The following MORN5 variants were observed in gnomAD, a reference collection of about 807,000 sequenced individuals.
The protein encoded by MORN5 is MORN repeat-containing protein 5.
A neutral mutation model predicts 22.1 loss-of-function variants in MORN5; 21 were observed. The ratio of observed to expected loss-of-function variants is 0.95; its 90% CI spans 0.67 to 1.37. MORN5 has a LOEUF of 1.37. Ranked by LOEUF, MORN5 falls within the 40% of genes most tolerant of loss-of-function variation. MORN5 has a pLI of 0.00. For synonymous variants in MORN5, 73 were observed against 74.0 expected, an observed-to-expected ratio of 0.99 and a Z score of 0.07; for missense variants, 211 against 215.1, an observed-to-expected ratio of 0.98 and a Z score of 0.12.
At chr9:122,163,397 C>T (rs563934002) in intron 1 of MORN5, among the ~76,000 whole-genome samples, 1 of 152,326 alleles carries the variant, frequency 6.6e-6, no homozygotes, top group East Asian at 1.9e-4. Context: ...CTGTAAAGCC[C>T]ACAGGCTTCC....
In MORN5 at chr9:122,166,799, A is replaced by G; in HGVS notation, c.79A>G (p.Thr27Ala). ...MEGKAKYILP[T>A]ETIYVGEMKD... is the part of the protein sequence containing the mutation. ...GGGCAAAGCCAAGTACATCCTCCCTACCGAAACAATATATGTTGGGGAAAT... is the reference window on the plus strand; with the variant it reads ...GGGCAAAGCCAAGTACATCCTCCCTGCCGAAACAATATATGTTGGGGAAAT... The change falls in exon 2 of 5, where the codon ACC becomes GCC. Residue 27 changes from threonine to alanine, a missense_variant. Thr to Ala is a moderately conservative substitution (Grantham distance 58). Coordinates refer to ENST00000373764, the MANE Select transcript of MORN5 (RefSeq NM_198469.4). The G allele has an allele frequency of 6.2e-7, 1 of 1,613,814 alleles. No individual in the cohort carries two copies. The highest frequency in any genetic ancestry group is 8.5e-7 in the Non-Finnish European group (1 of 1,179,832).
chr9:122,180,340 C>T (rs1829519035), intron 4 of MORN5, among the ~76,000 whole-genome samples: 1 of 132,910 alleles, frequency 7.5e-6, no homozygotes, highest in Admixed American at 8.9e-5. Flanking sequence ...GGCTGGAGTG[C>T]AGTGGTATGA....
intron 4 of MORN5, among the ~76,000 whole-genome samples, chr9:122,183,325 T>C (rs10760211): frequency 0.52 from 79,006 of 152,010 alleles, 20,893 homozygotes; most frequent in African/African-American, 0.56. Flanking sequence ...GCAGTTTGTA[T>C]GAGTATCTCT....
chr9:122,174,794 C>A (rs1829423782), intron 4 of MORN5, 167 bp downstream of exon 4: 3 of 1,493,740 alleles, frequency 2.0e-6, no homozygotes, highest in Middle Eastern at 2.4e-4. Flanking sequence ...TCGTGGCTGG[C>A]AAATCTGTAC....
At chr9:122,179,310 G>A (rs1040972214) in intron 4 of MORN5, among the ~76,000 whole-genome samples, 5 of 152,158 alleles carry the variant, frequency 3.3e-5, no homozygotes, top group Admixed American at 1.3e-4. Context: ...GGGGAGCAAG[G>A]GAAGGCTTTA....
At chr9:122,182,120 C>A (rs1187230787) in intron 4 of MORN5, among the ~76,000 whole-genome samples, 1 of 152,204 alleles carries the variant, frequency 6.6e-6, no homozygotes, top group Non-Finnish European at 1.5e-5. Flanking sequence ...AGAGCCCCAG[C>A]CTAACTTTGA....
At chr9:122,185,301 C>T (rs1342318666) in intron 4 of MORN5, among the ~76,000 whole-genome samples, 1 of 151,956 alleles carries the variant, frequency 6.6e-6, no homozygotes, top group Admixed American at 6.6e-5. Context: ...CGGCTCACTG[C>T]AAGCTCCGCC....
chr9:122,174,099 T>C lies in MORN5; in HGVS notation c.308-397T>C, dbSNP rs145781719. 7.5e-3 allele frequency among the ~76,000 whole-genome samples: 1,138 copies of C among 152,352 alleles called. 6 individuals carry two copies. Among genetic ancestry groups the C allele is most frequent in the Non-Finnish European group, 0.011 (747 of 68,030 alleles). On this transcript the variant is annotated intron_variant, in intron 3 of 4. Transcript: ENST00000373764. ...TTCCAGAGTGGGGCTTAAGGATCCA[T>C]GCCTCTGGCCTCTGCCCACGCTTTG... is the stretch of plus-strand genomic sequence containing the variant.
At chr9:122,177,445 A>G (rs1829469059) in intron 4 of MORN5, among the ~76,000 whole-genome samples, 1 of 151,664 alleles carries the variant, frequency 6.6e-6, no homozygotes, top group East Asian at 1.9e-4. Flanking sequence ...CTTTTTTTTC[A>G]TTTTGAGATG....
chr9:122,180,082 T>A (rs139009387), intron 4 of MORN5, among the ~76,000 whole-genome samples: 35 of 152,310 alleles, frequency 2.3e-4, no homozygotes, highest in Middle Eastern at 6.8e-3. Context: ...AAATCCATCC[T>A]TCTATGTATC....
intron 3 of MORN5, among the ~76,000 whole-genome samples, chr9:122,172,471 G>C (rs1476016639): frequency 6.6e-6 from 1 of 151,952 alleles, no homozygotes; most frequent in Admixed American, 6.6e-5. Flanking sequence ...GTTTCTCAAA[G>C]AGACCACACT....
chr9:122,181,476 C>T (rs557009732), intron 4 of MORN5, among the ~76,000 whole-genome samples: 11 of 152,342 alleles, frequency 7.2e-5, no homozygotes, highest in African/African-American at 2.4e-4. Context: ...CTCTCCGCTA[C>T]CCTCTACTGC....
At chr9:122,162,453 A>G (rs1448756507) in intron 1 of MORN5, among the ~76,000 whole-genome samples, 1 of 152,216 alleles carries the variant, frequency 6.6e-6, no homozygotes, top group Non-Finnish European at 1.5e-5. Flanking sequence ...GAAAAGTTAA[A>G]CAGCCATTCC....
Position 122,200,011 on chromosome 9 carries a change from T to C in MORN5, c.*80T>C, listed in dbSNP as rs1242404280. ...GAGGTTTCCATCTGCCCTACTAGCA[T>C]TGGCTGCCCTGGGGGACGGGCTGTA... On this transcript the variant is annotated 3_prime_UTR_variant, in exon 5 of 5. Transcript: ENST00000373764. 5.6e-6 allele frequency: 8 copies of C among 1,417,872 alleles called. No individual in the cohort carries two copies. The highest frequency in any genetic ancestry group is 2.8e-5 in the African/African-American group (2 of 71,040). 87.8% of individuals were successfully genotyped at this position (1,417,872 alleles called of 1,614,324 possible). A position where few individuals can be genotyped will look rare whatever the true frequency, so the allele number is the denominator to read the frequency against.
Position 122,174,785 on chromosome 9 carries a change from C to T in MORN5, c.439+158C>T, listed in dbSNP as rs576860436. 33 of 1,512,564 alleles carry T rather than the reference C, an allele frequency of 2.2e-5. No homozygotes were observed. In the East Asian group the frequency reaches 3.2e-4, roughly 15 times the overall value. The allele number at this position is 1,512,564 out of a possible 1,614,324, so 93.7% of individuals were successfully genotyped here. ...TGGATGTTTTATTTTTTGGACTTCT[C>T]GTGGCTGGCAAATCTGTACATAGTC... On this transcript the variant is annotated intron_variant, in intron 4 of 4. Transcript: ENST00000373764.
intron 2 of MORN5, among the ~76,000 whole-genome samples, chr9:122,169,125 G>A (rs944922474): frequency 6.6e-6 from 1 of 152,182 alleles, no homozygotes; most frequent in South Asian, 2.1e-4. Context: ...ATTGTATGGT[G>A]CCCACCCACT....
chr9:122,164,600 G>A (rs367753608), intron 1 of MORN5: 17 of 985,670 alleles, frequency 1.7e-5, no homozygotes, highest in Non-Finnish European at 2.0e-5. Flanking sequence ...TGTTTTAGGC[G>A]AGTTGGAGAT....
intron 4 of MORN5, among the ~76,000 whole-genome samples, chr9:122,184,321 C>G: frequency 6.6e-6 from 1 of 152,184 alleles, no homozygotes; most frequent in East Asian, 1.9e-4. Flanking sequence ...AGCTCCCAGA[C>G]ATGATGTTTA....
chr9:122,199,915 C>A lies in MORN5; in HGVS notation c.470C>A (p.Thr157Asn), dbSNP rs1281369723. Residue 157 changes from threonine (T) to asparagine (N), a missense_variant, in exon 5 of 5, where the codon ACC becomes AAC. Transcript: ENST00000373764. The part of the protein sequence containing the change: ...DDDEHEWITR[T>N]CRKG ...GACGAGCATGAGTGGATCACCCGTA[C>A]CTGTCGAAAGGGCTAGGATGAGATC... The A allele has an allele frequency of 1.2e-6, 2 of 1,613,990 alleles. No individual in the cohort carries two copies. Among genetic ancestry groups the A allele is most frequent in the African/African-American group, 2.7e-5 (2 of 75,036 alleles).
Sources: allele counts gnomAD v4.1 joint callset (sites outside exome capture counted in the v4.1 genomes callset), GRCh38; gene constraint gnomAD v4.1.1; transcripts MANE v1.5; gene names NCBI Gene and HGNC (gene_info 2026-07-23, HGNC 2026-07-21).